Variants in IFT88 observed in about 807,000 individuals in gnomAD.
IFT88 encodes intraflagellar transport protein 88 homolog.
A neutral mutation model predicts 119.5 loss-of-function variants in IFT88; 74 were observed. The ratio of observed to expected loss-of-function variants is 0.62; its 90% CI spans 0.51 to 0.75. The LOEUF is 0.75. IFT88 is among the 30% of genes least tolerant of loss of function. IFT88 has a pLI of 0.00. For synonymous variants in IFT88, 279 were observed against 316.7 expected, an observed-to-expected ratio of 0.88 and a Z score of 1.26; for missense variants, 961 against 977.7, an observed-to-expected ratio of 0.98 and a Z score of 0.23.
chr13:20,684,949 A>G (rs1007380534), intron 24 of IFT88, among the ~76,000 whole-genome samples: 8 of 152,218 alleles, frequency 5.3e-5, no homozygotes, highest in African/African-American at 1.7e-4. Flanking sequence ...ACCCAGCAGC[A>G]CTAGAGGAAT....
At chr13:20,578,451 A>G (rs772892912) in intron 2 of IFT88, among the ~76,000 whole-genome samples, 1 of 137,972 alleles carries the variant, frequency 7.2e-6, no homozygotes, top group South Asian at 2.3e-4. Context: ...GGTAGGTTGT[A>G]TATGTCTAGG....
At chr13:20,593,663 C>T (rs2041128244) in intron 7 of IFT88, among the ~76,000 whole-genome samples, 1 of 151,868 alleles carries the variant, frequency 6.6e-6, no homozygotes, top group Admixed American at 6.6e-5. Flanking sequence ...TAATTAATGA[C>T]AGCACATTAG....
At chr13:20,665,856 G>A (rs573056348) in intron 23 of IFT88, among the ~76,000 whole-genome samples, 1 of 152,192 alleles carries the variant, frequency 6.6e-6, no homozygotes, top group Admixed American at 6.5e-5. Flanking sequence ...GTTCCCAGAC[G>A]GGCTTGTGTT....
chr13:20,665,358 T>C (rs1251797156), intron 23 of IFT88, among the ~76,000 whole-genome samples: 1 of 152,168 alleles, frequency 6.6e-6, no homozygotes, highest in Admixed American at 6.5e-5. Flanking sequence ...TGAAAATAAA[T>C]GTATAGTCAA....
chr13:20,609,461 AAG>A (rs1415633245), intron 13 of IFT88, among the ~76,000 whole-genome samples: 1 of 152,166 alleles, frequency 6.6e-6, no homozygotes. Flanking sequence ...TTCTTTGGTC[AAG>A]AGTCAGTTTA....
At position 20,592,353 on chromosome 13, in the gene IFT88, T is replaced by G. The variant is rs1478029099; in HGVS notation, c.347T>G (p.Leu116Arg). 5.6e-6 allele frequency: 9 copies of G among 1,611,550 alleles called. No homozygotes were observed. Among genetic ancestry groups the G allele is most frequent in the Admixed American group, 1.7e-5 (1 of 59,440 alleles). Reference protein sequence around the residue: ...AALRGSAFDPLSQSRGPASPL... With the variant: ...AALRGSAFDPRSQSRGPASPL... ...GTCTCAGGCTCTGCATTTGACCCCC[T>G]TAGTCAGTCAAGGGGCCCTGCTTCC... The change falls in exon 7 of 26, where the codon CTT (leucine) becomes CGT (arginine). Residue 116 changes from leucine to arginine, a missense_variant. By Grantham distance (102) the Leu-to-Arg change is moderately radical. Coordinates refer to ENST00000351808, the MANE Select transcript of IFT88 (RefSeq NM_006531.5).
chr13:20,618,921 A>G (rs369533801), intron 14 of IFT88, among the ~76,000 whole-genome samples: 3 of 149,712 alleles, frequency 2.0e-5, no homozygotes, highest in Admixed American at 6.7e-5. Flanking sequence ...CAGTGGTGCA[A>G]TCTCGGCTCA....
chr13:20,613,849 G>C (rs2045096162), intron 13 of IFT88, among the ~76,000 whole-genome samples: 1 of 152,068 alleles, frequency 6.6e-6, no homozygotes, highest in African/African-American at 2.4e-5. Flanking sequence ...ATACAATACA[G>C]ATGAACCTTG....
chr13:20,655,452 A>C (rs2052593500), intron 21 of IFT88, among the ~76,000 whole-genome samples: 2 of 142,444 alleles, frequency 1.4e-5, no homozygotes, highest in Admixed American at 1.4e-4. Context: ...AAAAAAAAAA[A>C]AACAAAAAAA....
At chr13:20,572,202 C>G (rs1180170868) in intron 1 of IFT88, among the ~76,000 whole-genome samples, 1 of 152,030 alleles carries the variant, frequency 6.6e-6, no homozygotes, top group East Asian at 1.9e-4. Context: ...ATTTACCTAT[C>G]TCTCAATCCA....
At chr13:20,599,389 C>G (rs2042247759) in intron 10 of IFT88, 62 bp from the exon 11 acceptor site, 1 of 610,496 alleles carries the variant, frequency 1.6e-6, no homozygotes, top group Admixed American at 3.4e-5. Flanking sequence ...TAAAAGTCAT[C>G]TAAAATATCA....
intron 2 of IFT88, among the ~76,000 whole-genome samples, chr13:20,580,786 C>T (rs1181836427): frequency 2.2e-5 from 3 of 139,166 alleles, no homozygotes; most frequent in Non-Finnish European, 4.5e-5. Flanking sequence ...AGTGCATTGG[C>T]GCGACCTCTG....
chr13:20,598,285 G>T (rs535510684), intron 9 of IFT88, among the ~76,000 whole-genome samples: 2 of 152,052 alleles, frequency 1.3e-5, no homozygotes, highest in Admixed American at 6.6e-5. Flanking sequence ...TAGACTTTAA[G>T]GTTTAAGATA....
chr13:20,642,190 CTG>C (rs2050056470), intron 18 of IFT88: 1 of 152,148 alleles, frequency 6.6e-6, no homozygotes, highest in South Asian at 2.1e-4. Flanking sequence ...TTTCAACTTA[CTG>C]TTATCTTGGT....
rs951780871 is a variant in IFT88, at chr13:20,664,817, C to T, written c.2175+1213C>T. Among the ~76,000 whole-genome samples the T allele has an allele frequency of 1.2e-3, 188 of 152,212 alleles. 1 individual carries two copies. The highest frequency in any genetic ancestry group is 4.3e-3 in the African/African-American group (179 of 41,552). ...AATAGAGACTGGGCACGGTGGCTCA[C>T]GCCTATAATCCCAGCACTTTGGGAG... On this transcript the variant is annotated intron_variant, in intron 23 of 25. Transcript: ENST00000351808.
At chr13:20,637,888 C>T (rs2049261719) in intron 16 of IFT88, among the ~76,000 whole-genome samples, 1 of 152,146 alleles carries the variant, frequency 6.6e-6, no homozygotes, top group African/African-American at 2.4e-5. Context: ...TGGCAAGGCC[C>T]TGACCGAGCA....
At chr13:20,659,920 G>C (rs2053513935) in intron 22 of IFT88, among the ~76,000 whole-genome samples, 1 of 152,176 alleles carries the variant, frequency 6.6e-6, no homozygotes, top group Non-Finnish European at 1.5e-5. Flanking sequence ...GGGATTACAG[G>C]CGTGAGCCAC....
intron 20 of IFT88, among the ~76,000 whole-genome samples, chr13:20,649,066 T>C (rs2051184215): frequency 6.6e-6 from 1 of 152,294 alleles, no homozygotes; most frequent in African/African-American, 2.4e-5. Context: ...TCATATTAGT[T>C]TGAGACTTAA....
intron 13 of IFT88, among the ~76,000 whole-genome samples, chr13:20,605,552 A>G (rs74036407): frequency 0.043 from 6,545 of 152,204 alleles, 184 homozygotes; most frequent in Middle Eastern, 0.075. Flanking sequence ...ATATGGTACT[A>G]CAACTTGTTT....
Sources: allele counts gnomAD v4.1 joint callset (sites outside exome capture counted in the v4.1 genomes callset), GRCh38; gene constraint gnomAD v4.1.1; transcripts MANE v1.5; gene names NCBI Gene and HGNC (gene_info 2026-07-23, HGNC 2026-07-21).